Variants in FHIT observed in about 807,000 individuals in gnomAD.
The protein encoded by FHIT is bis(5'-adenosyl)-triphosphatase.
In FHIT, 19 loss-of-function variants were observed where a neutral mutation model predicts 17.9. That is an observed-to-expected ratio of 1.06 (90% CI 0.74 to 1.56). The LOEUF is 1.56. Ranked by LOEUF, FHIT falls within the 40% of genes most tolerant of loss-of-function variation. The pLI is 0.00. For synonymous variants in FHIT, 81 were observed against 69.7 expected (o/e 1.16, Z -0.81); for missense variants, 248 against 189.2 (o/e 1.31, Z -1.82).
At chr3:60,301,834 G>C (rs1189885276) in intron 5 of FHIT, among the ~76,000 whole-genome samples, 2 of 152,054 alleles carry the variant, frequency 1.3e-5, no homozygotes, top group Admixed American at 1.3e-4. Flanking sequence ...TTATTTTTCT[G>C]TAAGGACTGA....
intron 3 of FHIT, among the ~76,000 whole-genome samples, chr3:60,934,826 G>GA (rs1441907345): frequency 1.3e-5 from 2 of 152,076 alleles, no homozygotes; most frequent in Non-Finnish European, 2.9e-5. Flanking sequence ...AAGAAGATGG[G>GA]AAAAAATGAG....
intron 2 of FHIT, among the ~76,000 whole-genome samples, chr3:61,169,770 T>C (rs966597416): frequency 6.6e-6 from 1 of 152,174 alleles, no homozygotes; most frequent in Admixed American, 6.5e-5. Flanking sequence ...ACTATTGCAA[T>C]AGCAGTATTG....
At chr3:61,112,210 T>C (rs2036179101) in intron 2 of FHIT, among the ~76,000 whole-genome samples, 2 of 152,186 alleles carry the variant, frequency 1.3e-5, no homozygotes, top group African/African-American at 4.8e-5. Context: ...TTCGGGTGCT[T>C]TTATTTTTGT....
chr3:61,220,245 A>G (rs1056685797), intron 1 of FHIT, among the ~76,000 whole-genome samples: 1 of 152,244 alleles, frequency 6.6e-6, no homozygotes, highest in Non-Finnish European at 1.5e-5. Context: ...GAAGATTCTT[A>G]AACCCCTTTC....
intron 3 of FHIT, among the ~76,000 whole-genome samples, chr3:60,877,438 G>C (rs1403768183): frequency 2.6e-5 from 4 of 152,154 alleles, no homozygotes; most frequent in Non-Finnish European, 5.9e-5. Context: ...ATTCCCTCCT[G>C]GGGAAACAGT....
intron 5 of FHIT, among the ~76,000 whole-genome samples, chr3:60,114,179 T>C (rs1227435466): frequency 6.7e-6 from 1 of 149,342 alleles, no homozygotes; most frequent in East Asian, 2.0e-4. Flanking sequence ...ATCCTCATAA[T>C]CAGACAAGGT....
intron 3 of FHIT, among the ~76,000 whole-genome samples, chr3:60,880,738 A>C (rs1704929527): frequency 6.6e-6 from 1 of 151,642 alleles, no homozygotes; most frequent in South Asian, 2.1e-4. Flanking sequence ...TCTCAAAAAC[A>C]AACAACAACA....
intron 5 of FHIT, among the ~76,000 whole-genome samples, chr3:60,215,770 A>G (rs528167990): frequency 6.6e-6 from 1 of 152,308 alleles, no homozygotes; most frequent in African/African-American, 2.4e-5. Flanking sequence ...CTTATTCTAC[A>G]TAATTACTCT....
intron 8 of FHIT, among the ~76,000 whole-genome samples, chr3:59,823,683 A>G (rs1407525040): frequency 6.6e-6 from 1 of 152,188 alleles, no homozygotes; most frequent in Non-Finnish European, 1.5e-5. Flanking sequence ...AAATCGGCAT[A>G]TAAGGGGCAT....
chr3:59,893,300 A>G (rs1302768685), intron 8 of FHIT, among the ~76,000 whole-genome samples: 1 of 152,230 alleles, frequency 6.6e-6, no homozygotes, highest in Non-Finnish European at 1.5e-5. Context: ...CAGTAGTTCA[A>G]TAAGGAGCAA....
rs1700818892 is a variant in FHIT at position 60,158,865 on chromosome 3, C to T, written c.104-144713G>A. Among the ~76,000 whole-genome samples the T allele has an allele frequency of 2.0e-5, 3 of 152,012 alleles. No individual in the cohort carries two copies. The South Asian group carries it at 6.2e-4, about 32-fold the overall frequency. ...CTCTCCCCCAAATCACCCAAATGAACTCCAAATTCGTTCTAACACCCTCTT... is the reference window on the plus strand; with the variant it reads ...CTCTCCCCCAAATCACCCAAATGAATTCCAAATTCGTTCTAACACCCTCTT... On this transcript the variant is annotated intron_variant, in intron 5 of 9. Transcript: ENST00000492590.
At chr3:59,935,570 C>A (rs995559314) in intron 7 of FHIT, among the ~76,000 whole-genome samples, 7 of 152,068 alleles carry the variant, frequency 4.6e-5, no homozygotes, top group Non-Finnish European at 8.8e-5. Flanking sequence ...CTGATTATTT[C>A]TTTTCCCTAA....
intron 3 of FHIT, among the ~76,000 whole-genome samples, chr3:60,823,634 G>T (rs1050391805): frequency 6.6e-6 from 1 of 152,178 alleles, no homozygotes; most frequent in East Asian, 1.9e-4. Context: ...AGGGAGCATG[G>T]CCCTGGTGAC....
intron 8 of FHIT, among the ~76,000 whole-genome samples, chr3:59,809,141 A>G (rs1026311193): frequency 2.6e-5 from 4 of 152,108 alleles, no homozygotes; most frequent in African/African-American, 9.7e-5. Flanking sequence ...TGCTCTCCAA[A>G]AATGCATGTC....
chr3:59,918,860 G>T (rs890734741), intron 8 of FHIT, among the ~76,000 whole-genome samples: 1 of 152,118 alleles, frequency 6.6e-6, no homozygotes, highest in African/African-American at 2.4e-5. Flanking sequence ...ATACTTTGCA[G>T]GCAAAAATAA....
At chr3:60,186,594 G>A (rs1702169306) in intron 5 of FHIT, among the ~76,000 whole-genome samples, 2 of 152,152 alleles carry the variant, frequency 1.3e-5, no homozygotes, top group Admixed American at 1.3e-4. Flanking sequence ...CATAACGGAG[G>A]TGGGCTGCGT....
At chr3:60,159,592 A>G (rs1285298064) in intron 5 of FHIT, among the ~76,000 whole-genome samples, 5 of 152,232 alleles carry the variant, frequency 3.3e-5, no homozygotes, top group Admixed American at 3.3e-4. Flanking sequence ...TTTTTAGTAC[A>G]GTAATAGTAA....
chr3:60,238,846 T>G (rs991586764), intron 5 of FHIT, among the ~76,000 whole-genome samples: 3 of 152,088 alleles, frequency 2.0e-5, no homozygotes, highest in Non-Finnish European at 4.4e-5. Flanking sequence ...CCAAAAAGAT[T>G]CCCCATGACT....
intron 7 of FHIT, among the ~76,000 whole-genome samples, chr3:60,004,298 G>C (rs1471840229): frequency 6.6e-6 from 1 of 152,068 alleles, no homozygotes; most frequent in South Asian, 2.1e-4. Context: ...TATGTGCCAC[G>C]TGTCGGCATT....
Sources: gnomAD v4.1 joint callset for allele counts (sites outside exome capture counted in the v4.1 genomes callset) on GRCh38, gnomAD v4.1.1 for gene constraint, MANE v1.5 for transcripts, NCBI Gene and HGNC (gene_info 2026-07-23, HGNC 2026-07-21) for gene names.